The following EHBP1 variants were observed in gnomAD, a reference collection of about 807,000 sequenced individuals.
EHBP1 encodes the protein EH domain binding protein 1.
Under a neutral mutation model 144.0 loss-of-function variants are expected in EHBP1, and 55 were observed. The observed-to-expected ratio is 0.38, with a 90% confidence interval of 0.31 to 0.48. The LOEUF is 0.48. Among genes scored for constraint, EHBP1 ranks in the 20% least tolerant of loss-of-function variants. The pLI is 0.98. For synonymous variants in EHBP1, 469 were observed against 472.7 expected (o/e 0.99, Z 0.10); for missense variants, 1,200 against 1,364.2 (o/e 0.88, Z 1.90).
At chr2:63,039,864 T>G (rs1297434449) in intron 21 of EHBP1, among the ~76,000 whole-genome samples, 2 of 152,142 alleles carry the variant, frequency 1.3e-5, no homozygotes, top group South Asian at 4.1e-4. Context: ...AACATTTGTA[T>G]ATCCTCATTT....
chr2:62,821,672 C>T (rs573096850), intron 5 of EHBP1, among the ~76,000 whole-genome samples: 23 of 152,002 alleles, frequency 1.5e-4, no homozygotes, highest in Admixed American at 9.8e-4. Context: ...AGAGTGAGAC[C>T]GTGGCTCAAA....
chr2:62,882,990 G>C (rs1203868809), intron 10 of EHBP1, among the ~76,000 whole-genome samples: 1 of 151,760 alleles, frequency 6.6e-6, no homozygotes, highest in African/African-American at 2.4e-5. Context: ...CACACACACA[G>C]ATGCACACAC....
At chr2:62,887,037 G>A (rs1174774515) in intron 10 of EHBP1, among the ~76,000 whole-genome samples, 1 of 152,116 alleles carries the variant, frequency 6.6e-6, no homozygotes, top group Non-Finnish European at 1.5e-5. Context: ...AAGGTCCAGT[G>A]CTGATACAGT....
rs1436005650 is a variant in EHBP1, at chr2:62,729,528, AAT to A, written c.105-17859_105-17858del. ...TAAATATAATAAAATAAATAAATAT[AAT>A]ATATATAATATATATTATATATAAT... On this transcript the variant is annotated intron_variant, in intron 2 of 22. Coordinates refer to ENST00000431489, the MANE Select transcript of EHBP1 (RefSeq NM_001142616.3). Among the ~76,000 whole-genome samples the A allele has an allele frequency of 9.4e-4, 114 of 121,702 alleles. No individual in the cohort carries two copies. The East Asian group carries it at 0.018, about 19-fold the overall frequency. The allele number at this position is 121,702 out of a possible 152,430, so 79.8% of individuals were successfully genotyped here.
chr2:63,044,721 C>T (rs1401692980), intron 21 of EHBP1: 1 of 177,588 alleles, frequency 5.6e-6, no homozygotes, highest in South Asian at 1.7e-4. Context: ...CCACTTCCCC[C>T]ACTACCAACC....
At chr2:62,817,469 GA>G (rs2045530054) in intron 5 of EHBP1, among the ~76,000 whole-genome samples, 1 of 152,112 alleles carries the variant, frequency 6.6e-6, no homozygotes, top group Non-Finnish European at 1.5e-5. Flanking sequence ...AAAAAAGATG[GA>G]ACAATAGCAT....
At chr2:62,809,316 CAAG>C (rs1198907697) in intron 5 of EHBP1, among the ~76,000 whole-genome samples, 3 of 102,318 alleles carry the variant, frequency 2.9e-5, no homozygotes, top group Non-Finnish European at 5.9e-5. Context: ...AAAAAAAAAA[CAAG>C]AAGAGCACAG....
chr2:62,912,476 C>T (rs904285928), intron 10 of EHBP1, among the ~76,000 whole-genome samples: 2 of 152,054 alleles, frequency 1.3e-5, no homozygotes, highest in Non-Finnish European at 2.9e-5. Context: ...GGCTTGAATC[C>T]GGGAGTCAGA....
At chr2:62,862,915 A>T (rs1282298944) in intron 8 of EHBP1, among the ~76,000 whole-genome samples, 3 of 146,702 alleles carry the variant, frequency 2.0e-5, no homozygotes, top group Admixed American at 6.7e-5. Context: ...TAACAAACAT[A>T]AAAAAAAAAG....
chr2:62,996,531 T>G (rs2059632733), intron 18 of EHBP1, 112 bp from the exon 19 acceptor site: 1 of 1,339,330 alleles, frequency 7.5e-7, no homozygotes, highest in Non-Finnish European at 1.0e-6. Flanking sequence ...CTAAGGGTGA[T>G]ACTAACGGTG....
At chr2:62,746,024 C>T (rs1267690870) in intron 2 of EHBP1, among the ~76,000 whole-genome samples, 1 of 152,028 alleles carries the variant, frequency 6.6e-6, no homozygotes, top group African/African-American at 2.4e-5. Context: ...TGTGCTGGAG[C>T]TGTGGAGATG....
chr2:62,763,571 G>A (rs2040934800), intron 3 of EHBP1, among the ~76,000 whole-genome samples: 2 of 152,152 alleles, frequency 1.3e-5, no homozygotes, highest in Admixed American at 6.6e-5. Flanking sequence ...TAGAGGTGAA[G>A]ACTTAGTTGA....
intron 1 of EHBP1, among the ~76,000 whole-genome samples, chr2:62,686,973 C>T (rs2033740025): frequency 6.6e-6 from 1 of 152,158 alleles, no homozygotes; most frequent in South Asian, 2.1e-4. Flanking sequence ...GCCCTATTAT[C>T]CCCACTTTAT....
chr2:62,819,443 T>A (rs1349516639), intron 5 of EHBP1, among the ~76,000 whole-genome samples: 1 of 152,158 alleles, frequency 6.6e-6, no homozygotes, highest in Admixed American at 6.5e-5. Context: ...GTAAAAATAT[T>A]TGTAACAGCT....
At chr2:62,879,669 A>G (rs887357179) in intron 10 of EHBP1, among the ~76,000 whole-genome samples, 15 of 151,968 alleles carry the variant, frequency 9.9e-5, no homozygotes, top group Non-Finnish European at 1.9e-4. Context: ...AAAGATCTCT[A>G]TAATGAGAAT....
chr2:62,863,747 G>A (rs2049795356), intron 8 of EHBP1, among the ~76,000 whole-genome samples: 1 of 150,316 alleles, frequency 6.7e-6, no homozygotes, highest in South Asian at 2.1e-4. Context: ...AGTGGTCTGT[G>A]CTTACGTAAA....
At chr2:62,781,513 T>C (rs1573317436) in intron 5 of EHBP1, among the ~76,000 whole-genome samples, 1 of 152,290 alleles carries the variant, frequency 6.6e-6, no homozygotes, top group East Asian at 1.9e-4. Context: ...AGTATATATA[T>C]GGTAAAGGCA....
At chr2:62,961,854 A>T (rs1026751646) in intron 14 of EHBP1, among the ~76,000 whole-genome samples, 4 of 151,986 alleles carry the variant, frequency 2.6e-5, no homozygotes, top group African/African-American at 9.7e-5. Context: ...ACATGGTGAA[A>T]CCCATCTCTG....
At chr2:62,756,335 G>A (rs2040275154) in intron 3 of EHBP1, among the ~76,000 whole-genome samples, 1 of 152,026 alleles carries the variant, frequency 6.6e-6, no homozygotes, top group Admixed American at 6.6e-5. Flanking sequence ...ACTTATTGTT[G>A]GATGAATTTT....
Sources: allele counts gnomAD v4.1 joint callset (sites outside exome capture counted in the v4.1 genomes callset), GRCh38; gene constraint gnomAD v4.1.1; transcripts MANE v1.5; gene names NCBI Gene and HGNC (gene_info 2026-07-23, HGNC 2026-07-21).